SAG: variants seen among roughly 807,000 people sequenced by gnomAD.
SAG encodes S-arrestin.
Under a neutral mutation model 55.0 loss-of-function variants are expected in SAG, and 45 were observed. The ratio of observed to expected loss-of-function variants is 0.82; its 90% CI spans 0.64 to 1.05. The LOEUF (loss-of-function observed/expected upper bound fraction) is 1.05. Among genes scored for constraint, SAG ranks in the 50% least tolerant of loss-of-function variants. The pLI is 0.00. For missense variants in SAG, 455 were observed against 512.1 expected (o/e 0.89, Z 1.08); for synonymous variants, 189 against 197.4 (o/e 0.96, Z 0.36).
At chr2:233,326,674 G>A (rs1019652842) in intron 6 of SAG, among the ~76,000 whole-genome samples, 1 of 152,086 alleles carries the variant, frequency 6.6e-6, no homozygotes, top group Non-Finnish European at 1.5e-5. Flanking sequence ...AGGTGACCAT[G>A]GGGGTCAGGG....
chr2:233,329,573 A>G lies in SAG; in HGVS notation c.729A>G (p.Ala243=). The G allele has an allele frequency of 6.2e-7, 1 of 1,603,108 alleles. No individual in the cohort carries two copies. The highest frequency in any genetic ancestry group is 8.5e-7 in the Non-Finnish European group (1 of 1,170,104). The change falls in exon 9 of 16, where the codon GCA becomes GCG. Residue 243 remains alanine, a synonymous_variant. Coordinates refer to ENST00000409110, the MANE Select transcript of SAG (RefSeq NM_000541.5). ...AGAAGACCGTGAAGAAGATTAAAGC[A>G]TTCGGTAGGACCTTCTTCTCAGAAG... The part of the protein sequence containing the change: ...NTEKTVKKIK[A]FVEQVANVVL...
At chr2:233,330,204 G>C (rs1700704289) in intron 9 of SAG, among the ~76,000 whole-genome samples, 2 of 152,204 alleles carry the variant, frequency 1.3e-5, no homozygotes, top group Admixed American at 6.5e-5. Context: ...AGACATGATG[G>C]AATGACCTGT....
chr2:233,333,906 G>T (rs922646130), intron 10 of SAG: 7 of 152,202 alleles, frequency 4.6e-5, no homozygotes, highest in Non-Finnish European at 1.0e-4. Context: ...CAGGATAGGG[G>T]ACAGCTGCTT....
In SAG at chr2:233,320,622, C is replaced by T. The variant is rs1307614049; in HGVS notation, c.182-8C>T. 6.3e-7 allele frequency: 1 copy of T among 1,580,486 alleles called. No homozygotes were observed. Among genetic ancestry groups the T allele is most frequent in the Non-Finnish European group, 8.6e-7 (1 of 1,165,380 alleles). ...CCAAGTCCGACCCTGCCTTCATCTC[C>T]CTTGCAGTGTATGTCACTCTGACCT... is the stretch of plus-strand genomic sequence containing the variant. On this transcript the variant is annotated splice_polypyrimidine_tract_variant and splice_region_variant and intron_variant, in intron 4 of 15. Coordinates refer to ENST00000409110, the MANE Select transcript of SAG (RefSeq NM_000541.5).
rs374412160 is a variant in SAG, at chr2:233,309,166, T to G, written c.-24T>G. The G allele has an allele frequency of 6.2e-7, 1 of 1,607,748 alleles. No individual in the cohort carries two copies. Among genetic ancestry groups the G allele is most frequent in the Non-Finnish European group, 8.5e-7 (1 of 1,174,872 alleles). ...ACACCTGACCAACACCCCAAGGTGGTAGAAGTTGCCAGGGACAGATAACAT... is the reference window on the plus strand; with the variant it reads ...ACACCTGACCAACACCCCAAGGTGGGAGAAGTTGCCAGGGACAGATAACAT... On this transcript the variant is annotated 5_prime_UTR_variant, in exon 2 of 16. Transcript: ENST00000409110.
chr2:233,318,641 T>C (rs1189148857), intron 3 of SAG, 110 bp from the exon 4 acceptor site: 2 of 943,382 alleles, frequency 2.1e-6, no homozygotes, highest in African/African-American at 3.3e-5. Flanking sequence ...TTCTTTCTTA[T>C]AATGAACATG....
At position 233,329,539 on chromosome 2, in the gene SAG, A is replaced by G. The variant is rs747527842; in HGVS notation, c.695A>G (p.Asn232Ser). 2 of 1,613,602 alleles carry G rather than the reference A, an allele frequency of 1.2e-6. No individual in the cohort carries two copies. The highest frequency in any genetic ancestry group is 1.7e-6 in the Non-Finnish European group (2 of 1,179,538). ...EPIPVTVTVT[N>S]NTEKTVKKIK... Reference sequence around the variant, plus strand: ...ATCCCTGTGACCGTGACTGTCACCAATAACACAGAGAAGACCGTGAAGAAG... The same window carrying G: ...ATCCCTGTGACCGTGACTGTCACCAGTAACACAGAGAAGACCGTGAAGAAG... The change falls in exon 9 of 16, where the codon AAT becomes AGT. Residue 232 changes from asparagine to serine, a missense_variant. Asn to Ser is a conservative substitution (Grantham distance 46). Coordinates refer to ENST00000409110, the MANE Select transcript of SAG (RefSeq NM_000541.5).
At chr2:233,318,878 T>A in intron 4 of SAG, 83 bp downstream of exon 4, 1 of 1,112,314 alleles carries the variant, frequency 9.0e-7, no homozygotes, top group Non-Finnish European at 1.4e-6. Flanking sequence ...GGCATTTACA[T>A]GGAAGGAGAG....
Position 233,329,750 on chromosome 2 carries a change from T to C in SAG, c.733+173T>C, listed in dbSNP as rs558394564. Among the ~76,000 whole-genome samples, 69 of 152,346 alleles carry C rather than the reference T, an allele frequency of 4.5e-4. 1 individual carries two copies. Among genetic ancestry groups the C allele is most frequent in the African/African-American group, 1.5e-3 (64 of 41,578 alleles). ...GGAGGGAGAAAGGCCTTACAAGTTA[T>C]CTCATTCAACTTCCTGCCCACTTAC... On this transcript the variant is annotated intron_variant, in intron 9 of 15. Transcript: ENST00000409110.
intron 12 of SAG, 126 bp downstream of exon 12, chr2:233,338,879 C>A: frequency 1.3e-6 from 1 of 796,166 alleles, no homozygotes; most frequent in Non-Finnish European, 2.2e-6. Context: ...CAAGGATTAC[C>A]AAGTAGAGCT....
Position 233,327,076 on chromosome 2 carries a change from G to A in SAG, c.436-45G>A, listed in dbSNP as rs371913749. On this transcript the variant is annotated intron_variant, in intron 6 of 15. Coordinates refer to ENST00000409110, the MANE Select transcript of SAG (RefSeq NM_000541.5). Reference sequence around the variant, plus strand: ...GTGGCCCTCTGGCCCGGCACCCAGGGAGGGAGTCGCTGATCGCTGCCTGTC... The same window carrying A: ...GTGGCCCTCTGGCCCGGCACCCAGGAAGGGAGTCGCTGATCGCTGCCTGTC... 8.6e-6 allele frequency: 13 copies of A among 1,503,424 alleles called. No homozygotes were observed. In the African/African-American group the frequency reaches 1.5e-4, roughly 18 times the overall value. The allele number at this position is 1,503,424 out of a possible 1,614,324, so 93.1% of individuals were successfully genotyped here.
chr2:233,311,977 T>G (rs998042473), intron 2 of SAG, among the ~76,000 whole-genome samples: 3 of 151,954 alleles, frequency 2.0e-5, no homozygotes, highest in Admixed American at 2.0e-4. Context: ...AATACAAAAA[T>G]TAGCCGGGCG....
intron 11 of SAG, 105 bp downstream of exon 11, chr2:233,335,204 T>C: frequency 7.1e-7 from 1 of 1,416,720 alleles, no homozygotes; most frequent in South Asian, 1.4e-5. Flanking sequence ...ACGTGCAGCA[T>C]GGTGGTCTGG....
chr2:233,328,274 A>C, intron 7 of SAG: 2 of 490,136 alleles, frequency 4.1e-6, no homozygotes, highest in Non-Finnish European at 7.1e-6. Flanking sequence ...CCCACAGGGA[A>C]GGGACCAGGA....
chr2:233,336,898 C>T (rs1700949238), intron 11 of SAG, among the ~76,000 whole-genome samples: 1 of 152,122 alleles, frequency 6.6e-6, no homozygotes, highest in African/African-American at 2.4e-5. Flanking sequence ...GAGTTTGAGA[C>T]CAGCCTGGGC....
At chr2:233,344,651 T>C (rs1404000012) in intron 14 of SAG, 2 of 152,180 alleles carry the variant, frequency 1.3e-5, no homozygotes, top group East Asian at 1.9e-4. Flanking sequence ...TCTAGAGATA[T>C]GAGATAGATA....
At chr2:233,338,909 CTAG>C (rs1574952744) in intron 12 of SAG, 156 bp downstream of exon 12, 3 of 725,412 alleles carry the variant, frequency 4.1e-6, no homozygotes, top group Non-Finnish European at 7.5e-6. Flanking sequence ...TTCTGTTTGT[CTAG>C]TACCATGCTT....
intron 9 of SAG, among the ~76,000 whole-genome samples, chr2:233,331,167 G>A (rs565705593): frequency 6.0e-4 from 92 of 152,320 alleles, no homozygotes; most frequent in African/African-American, 2.1e-3. Flanking sequence ...TGGGGAAACT[G>A]AGGCTTAGAA....
At chr2:233,311,052 CGTT>C (rs1282318694) in intron 2 of SAG, among the ~76,000 whole-genome samples, 1 of 152,126 alleles carries the variant, frequency 6.6e-6, no homozygotes, top group Non-Finnish European at 1.5e-5. Context: ...TGGTTTCCCA[CGTT>C]GTTTTCCCCT....
Sources: allele counts gnomAD v4.1 joint callset (sites outside exome capture counted in the v4.1 genomes callset), GRCh38; gene constraint gnomAD v4.1.1; transcripts MANE v1.5; gene names NCBI Gene and HGNC (gene_info 2026-07-23, HGNC 2026-07-21).